Variants in CNTNAP3B observed in about 807,000 individuals in gnomAD.
CNTNAP3B encodes the protein contactin-associated protein-like 3B.
Under a neutral mutation model 108.9 loss-of-function variants are expected in CNTNAP3B, and 25 were observed. The ratio of observed to expected loss-of-function variants is 0.23; its 90% CI spans 0.17 to 0.32. The LOEUF (loss-of-function observed/expected upper bound fraction) is 0.32, where lower values mean the gene tolerates loss of function less well. CNTNAP3B is among the 10% of genes least tolerant of loss of function. CNTNAP3B has a pLI of 1.00. For synonymous variants in CNTNAP3B, 103 were observed against 473.4 expected, an observed-to-expected ratio of 0.22 and a Z score of 10.16; for missense variants, 252 against 1,210.4, an observed-to-expected ratio of 0.21 and a Z score of 11.75.
rs1486673338 is a variant in CNTNAP3B, at chr9:41,953,370, C to T, written c.1893G>A (p.Thr631=). 3 of 1,550,376 alleles carry T rather than the reference C, an allele frequency of 1.9e-6. No homozygotes were observed. Among genetic ancestry groups the T allele is most frequent in the South Asian group, 2.4e-5 (2 of 84,934 alleles). ...CGTCGGGGCCACCGTGCCGCACCAC[C>T]GTCCACGCGGAGTCTGCTGAGCAGA... ...YCNMTADSAW[T]VVRHGGPDAV... The change falls in exon 13 of 24, where the codon ACG becomes ACA. Residue 631 remains threonine (T), a synonymous_variant. Coordinates refer to ENST00000377561, the MANE Select transcript of CNTNAP3B (RefSeq NM_001201380.3).
At chr9:42,055,409 C>A (rs1174426846) in intron 3 of CNTNAP3B, among the ~76,000 whole-genome samples, 23 of 142,858 alleles carry the variant, frequency 1.6e-4, no homozygotes, top group African/African-American at 6.2e-4. Context: ...ATGTTTACCT[C>A]ATTATTTCTC....
chr9:41,931,810 G>T (rs1384502323), intron 14 of CNTNAP3B, among the ~76,000 whole-genome samples: 1 of 144,252 alleles, frequency 6.9e-6, no homozygotes, highest in Non-Finnish European at 1.5e-5. Flanking sequence ...ATTTTAGCAA[G>T]ATAGTCTAGT....
chr9:41,999,595 G>A (rs1372460592), intron 4 of CNTNAP3B, among the ~76,000 whole-genome samples: 1 of 119,548 alleles, frequency 8.4e-6, no homozygotes, highest in Non-Finnish European at 1.7e-5. Flanking sequence ...TATTGGTTCT[G>A]TTTCTCTGGA....
chr9:42,115,242 G>C (rs1397215885), intron 1 of CNTNAP3B, among the ~76,000 whole-genome samples: 1 of 136,896 alleles, frequency 7.3e-6, no homozygotes, highest in Non-Finnish European at 1.6e-5. Context: ...ATAAGGCTAA[G>C]AAAATAGACA....
At chr9:41,989,961 G>T (rs1292267129) in intron 8 of CNTNAP3B, among the ~76,000 whole-genome samples, 1 of 142,936 alleles carries the variant, frequency 7.0e-6, no homozygotes, top group Non-Finnish European at 1.5e-5. Context: ...TGTAAGATGG[G>T]CTGTGTAGCA....
At chr9:42,117,424 T>G (rs1162660188) in intron 1 of CNTNAP3B, among the ~76,000 whole-genome samples, 1 of 138,364 alleles carries the variant, frequency 7.2e-6, no homozygotes, top group Non-Finnish European at 1.5e-5. Context: ...CCTGAATGAC[T>G]ACTGGGTACA....
chr9:41,940,672 G>A (rs1204982251), intron 13 of CNTNAP3B, among the ~76,000 whole-genome samples: 32 of 152,310 alleles, frequency 2.1e-4, no homozygotes, highest in Non-Finnish European at 3.5e-4. Flanking sequence ...AAAAATAGAC[G>A]AGCGTAGCGG....
rs1272144882 is a variant in CNTNAP3B, at chr9:42,095,836, C to T, written c.196+8793G>A. 4.4e-5 allele frequency among the ~76,000 whole-genome samples: 6 copies of T among 136,782 alleles called. 1 individual carries two copies. The highest frequency in any genetic ancestry group is 9.3e-5 in the Non-Finnish European group (6 of 64,306). The allele number at this position is 136,782 out of a possible 152,430, so 89.7% of individuals were successfully genotyped here. On this transcript the variant is annotated intron_variant, in intron 2 of 23. Coordinates refer to ENST00000377561, the MANE Select transcript of CNTNAP3B (RefSeq NM_001201380.3). ...TTAACTCTGGTCTCTTCTGGCTTTG[C>T]TAATTGCCTTGGTAAAGCGGGGAGG...
chr9:41,961,606 T>C (rs1825093709), intron 11 of CNTNAP3B, among the ~76,000 whole-genome samples: 1 of 152,302 alleles, frequency 6.6e-6, no homozygotes, highest in Non-Finnish European at 1.5e-5. Flanking sequence ...TTGCTTCCTT[T>C]AAAACAATAT....
Position 41,964,580 on chromosome 9 carries a change from C to T in CNTNAP3B, c.1714G>A (p.Asp572Asn), listed in dbSNP as rs534303493. The change falls in exon 11 of 24, where the codon GAC (aspartate) becomes AAC (asparagine). Residue 572 changes from aspartate (D) to asparagine (N), a missense_variant. Physicochemically the swap from Asp to Asn is conservative, Grantham distance 23. Transcript: ENST00000377561. Reference protein sequence around the residue: ...CSQSWDTFSCDCLGTGYTGET... With the variant: ...CSQSWDTFSCNCLGTGYTGET... Reference sequence around the variant, plus strand: ...CCCGTATAGCCTGTGCCTAGACAGTCACAGGAGAAGGTGTCCCACGACTGG... The same window carrying T: ...CCCGTATAGCCTGTGCCTAGACAGTTACAGGAGAAGGTGTCCCACGACTGG... 1.2e-4 allele frequency: 183 copies of T among 1,551,482 alleles called. No homozygotes were observed. The African/African-American group carries it at 1.6e-3, about 13-fold the overall frequency.
Position 42,118,610 on chromosome 9 carries a change from C to T in CNTNAP3B, c.85+10400G>A, listed in dbSNP as rs1254103336. On this transcript the variant is annotated intron_variant, in intron 1 of 23. Coordinates refer to ENST00000377561, the MANE Select transcript of CNTNAP3B (RefSeq NM_001201380.3). Reference sequence around the variant, plus strand: ...AAACTGGAAGCATTCCCTTTGAAAACTGGCACAAGACAGGATGCCCTCTCT... The same window carrying T: ...AAACTGGAAGCATTCCCTTTGAAAATTGGCACAAGACAGGATGCCCTCTCT... Among the ~76,000 whole-genome samples the T allele has an allele frequency of 1.7e-5, 2 of 119,514 alleles. 1 individual carries two copies. The highest frequency in any genetic ancestry group is 6.8e-5 in the African/African-American group (2 of 29,356). The allele number at this position is 119,514 out of a possible 152,430, so 78.4% of individuals were successfully genotyped here.
At chr9:41,934,970 A>C (rs1325862800) in intron 14 of CNTNAP3B, among the ~76,000 whole-genome samples, 1 of 152,264 alleles carries the variant, frequency 6.6e-6, no homozygotes, top group East Asian at 1.9e-4. Context: ...TTACAGTTAC[A>C]TGTGTCATCA....
chr9:41,913,645 A>G (rs1301216334), intron 18 of CNTNAP3B, among the ~76,000 whole-genome samples: 2 of 140,698 alleles, frequency 1.4e-5, no homozygotes, highest in East Asian at 4.0e-4. Context: ...TCCCAAAATT[A>G]AACTCTATTC....
At position 41,973,789 on chromosome 9, in the gene CNTNAP3B, G is replaced by A. The variant is rs1299945892; in HGVS notation, c.1478-3544C>T. 5.5e-4 allele frequency among the ~76,000 whole-genome samples: 75 copies of A among 136,378 alleles called. 6 individuals are homozygous for A. Among genetic ancestry groups the A allele is most frequent in the African/African-American group, 2.0e-3 (69 of 33,944 alleles). 89.5% of individuals were successfully genotyped at this position (136,378 alleles called of 152,430 possible). A position where few individuals can be genotyped will look rare whatever the true frequency, so the allele number is the denominator to read the frequency against. On this transcript the variant is annotated intron_variant, in intron 9 of 23. Coordinates refer to ENST00000377561, the MANE Select transcript of CNTNAP3B (RefSeq NM_001201380.3). ...ATCACAGACCAGAAAAAAAAGAATG[G>A]ACAAATGACAGTATAGAAGATAGGT...
chr9:41,990,429 A>G (rs1249203520), intron 8 of CNTNAP3B, among the ~76,000 whole-genome samples: 1 of 131,658 alleles, frequency 7.6e-6, no homozygotes, highest in Non-Finnish European at 1.6e-5. Flanking sequence ...TGTGAGGTGG[A>G]CACAGATTCT....
intron 13 of CNTNAP3B, among the ~76,000 whole-genome samples, chr9:41,942,970 A>G (rs1824406165): frequency 2.0e-5 from 3 of 152,274 alleles, no homozygotes; most frequent in African/African-American, 7.2e-5. Context: ...ATTGCAAGGT[A>G]TGCTAAAGCC....
At position 42,128,320 on chromosome 9, in the gene CNTNAP3B, G is replaced by T. The variant is rs1272089319; in HGVS notation, c.85+690C>A. Among the ~76,000 whole-genome samples, 34 of 139,002 alleles carry T rather than the reference G, an allele frequency of 2.4e-4. 8 individuals carry two copies. The highest frequency in any genetic ancestry group is 4.5e-4 in the Non-Finnish European group (29 of 64,924). The allele number at this position is 139,002 out of a possible 152,430, so 91.2% of individuals were successfully genotyped here. A position where few individuals can be genotyped will look rare whatever the true frequency, so the allele number is the denominator to read the frequency against. On this transcript the variant is annotated intron_variant, in intron 1 of 23. Transcript: ENST00000377561. ...ACCAAATTAAGTAAAATAAAAAACAGGGAACCCGATGGCAAATTAAATAAT... is the reference window on the plus strand; with the variant it reads ...ACCAAATTAAGTAAAATAAAAAACATGGAACCCGATGGCAAATTAAATAAT...
intron 2 of CNTNAP3B, among the ~76,000 whole-genome samples, chr9:42,096,349 C>G (rs574366834): frequency 7.1e-6 from 1 of 140,442 alleles, no homozygotes; most frequent in African/African-American, 2.8e-5. Context: ...TCCTAGTCTG[C>G]GAGATAGCAG....
chr9:41,958,996 G>A lies in CNTNAP3B; in HGVS notation c.1876+1777C>T, dbSNP rs528734851. ...GTCCACATCAAACATCCAACAATTC[G>A]TCAATTAAGTTTAGGTTTTCCTACC... On this transcript the variant is annotated intron_variant, in intron 12 of 23. Transcript: ENST00000377561. Among the ~76,000 whole-genome samples, 104 of 138,916 alleles carry A rather than the reference G, an allele frequency of 7.5e-4. 7 individuals are homozygous for A. The highest frequency in any genetic ancestry group is 5.0e-3 in the South Asian group (21 of 4,230). 91.1% of individuals were successfully genotyped at this position (138,916 alleles called of 152,430 possible).
Sources: gnomAD v4.1 joint callset for allele counts (sites outside exome capture counted in the v4.1 genomes callset) on GRCh38, gnomAD v4.1.1 for gene constraint, MANE v1.5 for transcripts, NCBI Gene and HGNC (gene_info 2026-07-23, HGNC 2026-07-21) for gene names.